Variants in CNTNAP2 observed in about 807,000 individuals in gnomAD.
CNTNAP2 encodes contactin associated protein 2, also known as contactin-associated protein-like 2.
Under a neutral mutation model 155.2 loss-of-function variants are expected in CNTNAP2, and 98 were observed. That is an observed-to-expected ratio of 0.63 (90% confidence interval 0.54 to 0.75). The LOEUF is 0.75. Among genes scored for constraint, CNTNAP2 ranks in the 30% least tolerant of loss-of-function variants. CNTNAP2 has a pLI of 0.00. For synonymous variants in CNTNAP2, 651 were observed against 631.2 expected (o/e 1.03, Z -0.47); for missense variants, 1,727 against 1,688.1 (o/e 1.02, Z -0.40).
intron 1 of CNTNAP2, among the ~76,000 whole-genome samples, chr7:146,183,810 T>A (rs1798584392): frequency 6.6e-6 from 1 of 152,060 alleles, no homozygotes; most frequent in Non-Finnish European, 1.5e-5. Context: ...CTCCCACCTA[T>A]AATTTTCTGT....
rs567735395 is a variant in CNTNAP2 at position 147,884,219 on chromosome 7, C to A, written c.2099-19346C>A. Among the ~76,000 whole-genome samples the A allele has an allele frequency of 3.9e-5, 6 of 152,192 alleles. No homozygotes were observed. In the East Asian group the frequency reaches 7.7e-4, roughly 20 times the overall value. The stretch of plus-strand genomic sequence containing the variant: ...CAAGATGGCAGACCGGCTGGAACAG[C>A]GTGAGCAAAAGCCTTGAACAATGAA... On this transcript the variant is annotated intron_variant, in intron 13 of 23. Transcript: ENST00000361727.
At chr7:146,857,952 T>G (rs1282753451) in intron 3 of CNTNAP2, among the ~76,000 whole-genome samples, 1 of 152,200 alleles carries the variant, frequency 6.6e-6, no homozygotes, top group Non-Finnish European at 1.5e-5. Context: ...GAATATGCTT[T>G]CAGGCATGGA....
intron 20 of CNTNAP2, among the ~76,000 whole-genome samples, chr7:148,238,783 T>G (rs1019220241): frequency 1.2e-4 from 18 of 152,328 alleles, no homozygotes; most frequent in African/African-American, 4.1e-4. Flanking sequence ...CCTTCTTTTC[T>G]GTAGAAACAT....
chr7:147,192,902 G>A (rs760842883), intron 8 of CNTNAP2, among the ~76,000 whole-genome samples: 3 of 152,088 alleles, frequency 2.0e-5, no homozygotes, highest in Non-Finnish European at 4.4e-5. Flanking sequence ...TGTAATGGGC[G>A]CAACTTACTG....
chr7:146,318,630 A>G lies in CNTNAP2; in HGVS notation c.97+201657A>G, dbSNP rs567865323. Among the ~76,000 whole-genome samples the G allele has an allele frequency of 3.3e-5, 5 of 152,258 alleles. No individual in the cohort carries two copies. In the South Asian group the frequency reaches 8.3e-4, roughly 25 times the overall value. On this transcript the variant is annotated intron_variant, in intron 1 of 23. Coordinates refer to ENST00000361727, the MANE Select transcript of CNTNAP2 (RefSeq NM_014141.6). ...CACACACCTTAAGCAAAATGCAGGT[A>G]TATGTAAAAGAAACAGATCTTGTTT...
At chr7:146,572,697 A>T (rs952249304) in intron 1 of CNTNAP2, among the ~76,000 whole-genome samples, 1 of 152,178 alleles carries the variant, frequency 6.6e-6, no homozygotes, top group Non-Finnish European at 1.5e-5. Flanking sequence ...ACTATGTTAG[A>T]TAAAACAGTA....
At chr7:146,234,399 C>G (rs1031527743) in intron 1 of CNTNAP2, among the ~76,000 whole-genome samples, 3 of 152,080 alleles carry the variant, frequency 2.0e-5, no homozygotes, top group Non-Finnish European at 4.4e-5. Context: ...AAATTTTCTC[C>G]CATTGTGTAG....
intron 21 of CNTNAP2, among the ~76,000 whole-genome samples, chr7:148,304,936 C>G (rs1040753467): frequency 1.3e-5 from 2 of 151,794 alleles, no homozygotes; most frequent in Admixed American, 6.6e-5. Flanking sequence ...GTGTTTCCAG[C>G]CAGGCATGGT....
intron 5 of CNTNAP2, among the ~76,000 whole-genome samples, chr7:147,112,543 C>T (rs1038872211): frequency 2.0e-5 from 3 of 152,074 alleles, no homozygotes; most frequent in Non-Finnish European, 4.4e-5. Context: ...AGGTATGTTC[C>T]TTCAAAACCT....
At chr7:147,456,046 G>C (rs1173385569) in intron 10 of CNTNAP2, among the ~76,000 whole-genome samples, 1 of 152,100 alleles carries the variant, frequency 6.6e-6, no homozygotes, top group Non-Finnish European at 1.5e-5. Flanking sequence ...GTAAACATGA[G>C]AGTGTACTTG....
At chr7:148,380,442 A>T (rs1799030049) in intron 21 of CNTNAP2, among the ~76,000 whole-genome samples, 1 of 152,214 alleles carries the variant, frequency 6.6e-6, no homozygotes, top group Admixed American at 6.5e-5. Flanking sequence ...TTTGAAAATC[A>T]AATTGTTGGC....
chr7:147,909,957 C>G (rs899874942), intron 14 of CNTNAP2, among the ~76,000 whole-genome samples: 6 of 152,200 alleles, frequency 3.9e-5, no homozygotes, highest in Non-Finnish European at 7.3e-5. Flanking sequence ...CCGTTGTGCT[C>G]TCTTTCGCTG....
chr7:146,369,048 T>TAC (rs770870059), intron 1 of CNTNAP2, among the ~76,000 whole-genome samples: 1 of 138,848 alleles, frequency 7.2e-6, no homozygotes, highest in Non-Finnish European at 1.5e-5. Flanking sequence ...TATATATATA[T>TAC]ATACATATAT....
intron 1 of CNTNAP2, among the ~76,000 whole-genome samples, chr7:146,713,380 C>T (rs548238787): frequency 3.9e-5 from 6 of 152,170 alleles, no homozygotes; most frequent in South Asian, 4.1e-4. Context: ...CTCTGGAAGG[C>T]CATTTGCTTT....
chr7:148,197,956 C>T (rs1015731444), intron 18 of CNTNAP2, among the ~76,000 whole-genome samples: 2 of 152,200 alleles, frequency 1.3e-5, no homozygotes, highest in African/African-American at 2.4e-5. Flanking sequence ...TTTGAGTTTC[C>T]TTGAAGCTCT....
chr7:147,352,930 A>G (rs1256629392), intron 9 of CNTNAP2, among the ~76,000 whole-genome samples: 1 of 151,826 alleles, frequency 6.6e-6, no homozygotes, highest in African/African-American at 2.4e-5. Context: ...TTTACTAAGT[A>G]AAGTTAGTAA....
At chr7:147,811,873 T>C (rs1170614952) in intron 13 of CNTNAP2, among the ~76,000 whole-genome samples, 1 of 152,138 alleles carries the variant, frequency 6.6e-6, no homozygotes, top group Non-Finnish European at 1.5e-5. Flanking sequence ...AGCAAATAAG[T>C]AGAAGAATCT....
intron 13 of CNTNAP2, among the ~76,000 whole-genome samples, chr7:147,793,849 T>C (rs1193022163): frequency 6.6e-6 from 1 of 152,048 alleles, no homozygotes; most frequent in African/African-American, 2.4e-5. Context: ...TCAACAATGT[T>C]TGACAGTTTT....
At chr7:146,172,974 G>T (rs1017310094) in intron 1 of CNTNAP2, among the ~76,000 whole-genome samples, 3 of 152,080 alleles carry the variant, frequency 2.0e-5, no homozygotes, top group African/African-American at 7.2e-5. Context: ...GCAGCTGTGT[G>T]TGTGTTTTTT....
Sources: gnomAD v4.1 joint callset for allele counts (sites outside exome capture counted in the v4.1 genomes callset) on GRCh38, gnomAD v4.1.1 for gene constraint, MANE v1.5 for transcripts, NCBI Gene and HGNC (gene_info 2026-07-23, HGNC 2026-07-21) for gene names.